PLCG2: variants seen among roughly 807,000 people sequenced by gnomAD.
The protein encoded by PLCG2 is 1-phosphatidylinositol 4,5-bisphosphate phosphodiesterase gamma-2.
A neutral mutation model predicts 175.6 loss-of-function variants in PLCG2; 69 were observed. That is an observed-to-expected ratio of 0.39 (90% CI 0.32 to 0.48). PLCG2 has a LOEUF of 0.48. Ranked by LOEUF, PLCG2 falls within the 20% of genes least tolerant of loss-of-function variation. The probability of loss-of-function intolerance (pLI) is 0.91; values close to 1 mark genes in which losing one functional copy is unlikely to be tolerated. For synonymous variants in PLCG2, 827 were observed against 624.0 expected (o/e 1.33, Z -4.85); for missense variants, 1,798 against 1,650.9 (o/e 1.09, Z -1.54).
chr16:81,923,655 A>T lies in PLCG2; in HGVS notation c.2417+61A>T, dbSNP rs1597134870. 6.7e-6 allele frequency: 7 copies of T among 1,038,006 alleles called. No homozygotes were observed. The East Asian group carries it at 1.7e-4, about 25-fold the overall frequency. The allele number at this position is 1,038,006 out of a possible 1,614,324, so 64.3% of individuals were successfully genotyped here. On this transcript the variant is annotated intron_variant, in intron 22 of 32. Coordinates refer to ENST00000564138, the MANE Select transcript of PLCG2 (RefSeq NM_002661.5). ...GGGCTTGACTTGTCCCTTCTTGGTG[A>T]TAAGACTCAGGTGCTGGCCAAGTCT...
At chr16:81,778,039 A>ACAAAACCAAC, upstream of PLCG2, among the ~76,000 whole-genome samples, 1 of 80,382 alleles carries the variant, frequency 1.2e-5, no homozygotes, top group African/African-American at 4.7e-5. Flanking sequence ...AAACAAAAAA[A>ACAAAACCAAC]AAACAAAAAA....
At chr16:81,933,735 C>G (rs35770398) in intron 25 of PLCG2, among the ~76,000 whole-genome samples, 80,453 of 152,042 alleles carry the variant, frequency 0.53, 22,347 homozygotes, top group East Asian at 0.8. Context: ...CCCAAACAGT[C>G]ACCATTATTA....
At chr16:81,851,922 G>A (rs1359947241) in intron 2 of PLCG2, 2 of 152,550 alleles carry the variant, frequency 1.3e-5, no homozygotes, top group African/African-American at 4.8e-5. Flanking sequence ...TAACTTAATT[G>A]TCTGCTCTCC....
chr16:81,918,919 C>T (rs1909951073), intron 19 of PLCG2, among the ~76,000 whole-genome samples: 1 of 150,954 alleles, frequency 6.6e-6, no homozygotes, highest in Non-Finnish European at 1.5e-5. Flanking sequence ...TAAAAAAAGT[C>T]ACTGTTTTGC....
intron 1 of PLCG2, among the ~76,000 whole-genome samples, chr16:81,752,663 G>A (rs1171481652): frequency 1.3e-5 from 2 of 152,238 alleles, no homozygotes; most frequent in East Asian, 3.8e-4. Flanking sequence ...CTGACCCTGA[G>A]GCTTGGCCTG....
intron 5 of PLCG2, among the ~76,000 whole-genome samples, chr16:81,860,143 CTATTAT>C (rs763477650): frequency 9.8e-4 from 124 of 126,440 alleles, no homozygotes; most frequent in African/African-American, 2.8e-3. Context: ...GGCTTATTTA[CTATTAT>C]TATTATTATT....
rs1911809170 is a variant in PLCG2 at position 81,962,352 on chromosome 16, G to C, written c.*4354G>C. On this transcript the variant is annotated 3_prime_UTR_variant, in exon 33 of 33. Transcript: ENST00000564138. ...AACAAAAAGTTAATAATTAGATTTG[G>C]AATTATACAGAATTAGAAAATTGGC... is the stretch of plus-strand genomic sequence containing the variant. The C allele has an allele frequency of 4.8e-6, 1 of 206,368 alleles. No individual in the cohort carries two copies. Among genetic ancestry groups the C allele is most frequent in the Admixed American group, 6.0e-5 (1 of 16,780 alleles). 12.8% of individuals were successfully genotyped at this position (206,368 alleles called of 1,614,324 possible). A position where few individuals can be genotyped will look rare whatever the true frequency, so the allele number is the denominator to read the frequency against.
At chr16:81,923,625 C>A in intron 22 of PLCG2, 31 bp downstream of exon 22, 1 of 1,358,916 alleles carries the variant, frequency 7.4e-7, no homozygotes, top group Non-Finnish European at 1.0e-6. Flanking sequence ...GGCTGCTCGG[C>A]AGGTGGGCTT....
chr16:81,761,829 A>ATT (rs556864309), intron 2 of PLCG2, among the ~76,000 whole-genome samples: 81 of 130,232 alleles, frequency 6.2e-4, no homozygotes, highest in Non-Finnish European at 1.0e-3. Context: ...CACCCTGCAC[A>ATT]TTTTTTTTTT....
intron 24 of PLCG2, among the ~76,000 whole-genome samples, chr16:81,930,284 C>G (rs1321460159): frequency 6.6e-6 from 1 of 152,122 alleles, no homozygotes. Flanking sequence ...ATAAGTTTCC[C>G]TGTCATAATC....
chr16:81,932,579 C>T (rs1910546060), intron 25 of PLCG2, among the ~76,000 whole-genome samples: 2 of 152,204 alleles, frequency 1.3e-5, no homozygotes, highest in African/African-American at 4.8e-5. Context: ...AGTCTCTCCT[C>T]CAAGATAGTC....
upstream of PLCG2, among the ~76,000 whole-genome samples, chr16:81,778,035 A>AG (rs1164270758): frequency 1.2e-5 from 1 of 85,406 alleles, no homozygotes; most frequent in African/African-American, 6.7e-5. Context: ...AAAAAAACAA[A>AG]AAAAAAACAA....
chr16:81,757,672 T>C (rs1448243076), intron 2 of PLCG2, among the ~76,000 whole-genome samples: 1 of 152,250 alleles, frequency 6.6e-6, no homozygotes, highest in Non-Finnish European at 1.5e-5. Flanking sequence ...ATATAATTCA[T>C]GTATCACGCA....
chr16:81,855,222 A>C (rs896178591), intron 3 of PLCG2, among the ~76,000 whole-genome samples: 2 of 151,984 alleles, frequency 1.3e-5, no homozygotes, highest in African/African-American at 4.8e-5. Context: ...AAGAAAAAGA[A>C]AAATGTAACC....
chr16:81,776,356 G>T (rs904585497), upstream of PLCG2, among the ~76,000 whole-genome samples: 2 of 151,814 alleles, frequency 1.3e-5, no homozygotes, highest in Admixed American at 6.6e-5. Context: ...TGATCCGCCC[G>T]CCTCAGCCTC....
rs149333892 is a variant in PLCG2 at position 81,857,306 on chromosome 16, G to T, written c.338-957G>T. ...TGGGGTTGAGAAACTCTGCTCTGGA[G>T]TTGGACACCTGGGTTTGAATTCCTC... On this transcript the variant is annotated intron_variant, in intron 3 of 32. Coordinates refer to ENST00000564138, the MANE Select transcript of PLCG2 (RefSeq NM_002661.5). Among the ~76,000 whole-genome samples the T allele has an allele frequency of 1.6e-4, 25 of 152,328 alleles. No individual in the cohort carries two copies. In the East Asian group the frequency reaches 2.1e-3, roughly 13 times the overall value.
At chr16:81,779,138 C>T (rs1910603638), upstream of PLCG2, 1 of 152,184 alleles carries the variant, frequency 6.6e-6, no homozygotes, top group Non-Finnish European at 1.5e-5. Context: ...TGGGCCGCTC[C>T]ATGGCGGGGA....
intron 30 of PLCG2, among the ~76,000 whole-genome samples, chr16:81,942,558 T>C (rs1265379420): frequency 6.6e-6 from 1 of 152,218 alleles, no homozygotes; most frequent in Non-Finnish European, 1.5e-5. Context: ...CTGAAGCTTT[T>C]AAACCAGTTG....
At chr16:81,815,696 G>T (rs576891755) in intron 2 of PLCG2, among the ~76,000 whole-genome samples, 1 of 152,216 alleles carries the variant, frequency 6.6e-6, no homozygotes, top group East Asian at 1.9e-4. Context: ...TCCCATGCAG[G>T]TGGTGGCTTC....
Sources: gnomAD v4.1 joint callset for allele counts (sites outside exome capture counted in the v4.1 genomes callset) on GRCh38, gnomAD v4.1.1 for gene constraint, MANE v1.5 for transcripts, NCBI Gene and HGNC (gene_info 2026-07-23, HGNC 2026-07-21) for gene names.